The following KLHDC4 variants were observed in gnomAD, a reference collection of about 807,000 sequenced individuals.
KLHDC4 encodes kelch domain-containing protein 4.
A neutral mutation model predicts 62.4 loss-of-function variants in KLHDC4; 90 were observed. That is an observed-to-expected ratio of 1.44 (90% CI 1.22 to 1.72). The LOEUF (loss-of-function observed/expected upper bound fraction) is 1.72, where lower values mean the gene tolerates loss of function less well. Among genes scored for constraint, KLHDC4 ranks in the 40% most tolerant of loss-of-function variants. The probability of loss-of-function intolerance (pLI) is 0.00; values close to 1 mark genes in which losing one functional copy is unlikely to be tolerated. For synonymous variants in KLHDC4, 386 were observed against 284.4 expected, an observed-to-expected ratio of 1.36 and a Z score of -3.59; for missense variants, 1,025 against 699.7, an observed-to-expected ratio of 1.47 and a Z score of -5.25.
Position 87,762,024 on chromosome 16 carries a change from A to G in KLHDC4, c.116T>C (p.Leu39Pro), listed in dbSNP as rs1056456172. The change falls in exon 2 of 12, where the codon CTC becomes CCC. Residue 39 changes from leucine (L) to proline (P), a missense_variant. Physicochemically the swap from Leu to Pro is moderately conservative, Grantham distance 98. Coordinates refer to ENST00000270583, the MANE Select transcript of KLHDC4 (RefSeq NM_017566.4). ...SRKEEEDLEA[L>P]IAHFQTLDAK... is the part of the protein sequence containing the mutation. ...ATCGAGTGTCTGGAAATGGGCTATG[A>G]GCGCTTCCAGGTCTTCCTAGGGCAA... The G allele has an allele frequency of 5.0e-6, 8 of 1,613,772 alleles. No homozygotes were observed. Among genetic ancestry groups the G allele is most frequent in the Middle Eastern group, 3.3e-4 (2 of 6,082 alleles).
chr16:87,706,266 G>A (rs1336014966), downstream of KLHDC4, among the ~76,000 whole-genome samples: 3 of 123,762 alleles, frequency 2.4e-5, no homozygotes, highest in African/African-American at 9.6e-5. Flanking sequence ...CAGCCCTTGA[G>A]GGGGTCGGTG....
chr16:87,763,641 A>G (rs1166377662), intron 1 of KLHDC4: 1 of 152,230 alleles, frequency 6.6e-6, no homozygotes, highest in Non-Finnish European at 1.5e-5. Flanking sequence ...ATTAAATGGT[A>G]TCATACTGTA....
At chr16:87,756,267 G>A in intron 3 of KLHDC4, 132 bp downstream of exon 3, 1 of 664,206 alleles carries the variant, frequency 1.5e-6, no homozygotes, top group Non-Finnish European at 2.7e-6. Flanking sequence ...CTCACATCAG[G>A]CCTGACGGCT....
intron 2 of KLHDC4, among the ~76,000 whole-genome samples, chr16:87,759,092 A>C (rs2045468308): frequency 6.6e-6 from 1 of 152,152 alleles, no homozygotes; most frequent in South Asian, 2.1e-4. Context: ...GAATTGCTTG[A>C]ACCTGGGAGG....
intron 1 of KLHDC4, among the ~76,000 whole-genome samples, chr16:87,762,405 C>A (rs1399906211): frequency 6.6e-6 from 1 of 152,048 alleles, no homozygotes; most frequent in Non-Finnish European, 1.5e-5. Context: ...GTCTGCAGAG[C>A]AGTGTCTGAC....
chr16:87,751,391 T>C (rs2043906661), intron 4 of KLHDC4, among the ~76,000 whole-genome samples: 1 of 151,612 alleles, frequency 6.6e-6, no homozygotes, highest in African/African-American at 2.4e-5. Flanking sequence ...GGAGAATCGC[T>C]TGAGCCTGGG....
downstream of KLHDC4, among the ~76,000 whole-genome samples, chr16:87,702,836 A>T (rs1440809759): frequency 1.3e-5 from 2 of 152,240 alleles, no homozygotes; most frequent in African/African-American, 4.8e-5. Flanking sequence ...ACGCCGTGCA[A>T]TGACAGAGAG....
chr16:87,700,758 GGGA>G (rs1245648281), exon 1 of KLHDC4: 25 of 226,714 alleles, frequency 1.1e-4, no homozygotes, highest in Non-Finnish European at 1.9e-4. Flanking sequence ...GCAGGGCAGA[GGGA>G]GGAGATTGGA....
intron 7 of KLHDC4, among the ~76,000 whole-genome samples, chr16:87,719,529 C>G (rs140539268): frequency 2.6e-5 from 4 of 152,130 alleles, no homozygotes; most frequent in Non-Finnish European, 5.9e-5. Flanking sequence ...CACAAACACA[C>G]GGAAGGCCGC....
rs1246511663 is a variant in KLHDC4 at position 87,746,349 on chromosome 16, C to CAAAGAGAGAAAGAGAGAGAGAGCGAG, written c.506+2298_506+2323dup. Reference sequence around the variant, plus strand: ...CAGAGAGGAGAAAAAGACAAGACCACAAAGAGAGAAAGAGAGAGAGAGCGA... The same window carrying CAAAGAGAGAAAGAGAGAGAGAGCGAG: ...CAGAGAGGAGAAAAAGACAAGACCACAAAGAGAGAAAGAGAGAGAGAGCGAGAAAGAGAGAAAGAGAGAGAGAGCGA... On this transcript the variant is annotated intron_variant, in intron 5 of 11. Coordinates refer to ENST00000270583, the MANE Select transcript of KLHDC4 (RefSeq NM_017566.4). Among the ~76,000 whole-genome samples, 14 of 151,578 alleles carry CAAAGAGAGAAAGAGAGAGAGAGCGAG rather than the reference C, an allele frequency of 9.2e-5. No homozygotes were observed. The East Asian group carries it at 9.7e-4, about 10-fold the overall frequency.
intron 5 of KLHDC4, 127 bp downstream of exon 5, chr16:87,748,546 G>T (rs1379708333): frequency 4.1e-6 from 5 of 1,217,900 alleles, no homozygotes; most frequent in African/African-American, 3.1e-5. Flanking sequence ...AGCGAGGCTG[G>T]GCTCCAGGAC....
intron 5 of KLHDC4, among the ~76,000 whole-genome samples, chr16:87,746,301 G>C (rs1471896310): frequency 3.3e-5 from 5 of 151,248 alleles, no homozygotes; most frequent in Non-Finnish European, 7.4e-5. Flanking sequence ...AAAGGAAGGA[G>C]AAAGAGAGAG....
chr16:87,712,177 G>A (rs1183474996), intron 8 of KLHDC4, among the ~76,000 whole-genome samples: 2 of 152,172 alleles, frequency 1.3e-5, no homozygotes, highest in African/African-American at 4.8e-5. Context: ...CTTGGCACGC[G>A]CCTATGTGAT....
chr16:87,732,434 C>G (rs572187914), intron 5 of KLHDC4, among the ~76,000 whole-genome samples: 2 of 152,220 alleles, frequency 1.3e-5, no homozygotes, highest in East Asian at 3.9e-4. Context: ...AAGTGTACAT[C>G]TAAAAGGCAT....
At chr16:87,732,453 T>C (rs972581397) in intron 5 of KLHDC4, among the ~76,000 whole-genome samples, 3 of 152,166 alleles carry the variant, frequency 2.0e-5, no homozygotes, top group African/African-American at 2.4e-5. Context: ...ATGCATTTTA[T>C]TGAATTTTAT....
At chr16:87,745,257 G>GTGCC (rs1175213064) in intron 5 of KLHDC4, among the ~76,000 whole-genome samples, 1 of 151,816 alleles carries the variant, frequency 6.6e-6, no homozygotes, top group East Asian at 1.9e-4. Context: ...CGGCCATAGG[G>GTGCC]TGCCCTCTGC....
Position 87,709,440 on chromosome 16 carries a change from G to A in KLHDC4, c.1272C>T (p.Ser424=), listed in dbSNP as rs770684798. The part of the protein sequence containing the change: ...EDEDSLEEAG[S]PAPGPCPRSN... ...AGCGTGGACACGGCCCAGGTGCGGG[G>A]CTGCCGGCCTCCTCAAGGCTGTCTT... Residue 424 remains serine, a synonymous_variant, in exon 10 of 12, where the codon AGC becomes AGT. Coordinates refer to ENST00000270583, the MANE Select transcript of KLHDC4 (RefSeq NM_017566.4). 4 of 1,612,550 alleles carry A rather than the reference G, an allele frequency of 2.5e-6. No individual in the cohort carries two copies. Among genetic ancestry groups the A allele is most frequent in the Non-Finnish European group, 8.5e-7 (1 of 1,179,914 alleles).
intron 5 of KLHDC4, 95 bp from the exon 6 acceptor site, chr16:87,730,739 A>C (rs1356894993): frequency 9.4e-7 from 1 of 1,063,726 alleles, no homozygotes; most frequent in East Asian, 2.4e-5. Flanking sequence ...TTTTACACTG[A>C]TTTCTGTTTT....
chr16:87,708,818 C>T (rs2035178706), intron 10 of KLHDC4, among the ~76,000 whole-genome samples: 1 of 152,236 alleles, frequency 6.6e-6, no homozygotes, highest in East Asian at 1.9e-4. Context: ...GTGGATTTTG[C>T]TTTAGTCTCA....
Sources: allele counts gnomAD v4.1 joint callset (sites outside exome capture counted in the v4.1 genomes callset), GRCh38; gene constraint gnomAD v4.1.1; transcripts MANE v1.5; gene names NCBI Gene and HGNC (gene_info 2026-07-23, HGNC 2026-07-21).